The following ARFGAP1 variants were observed in gnomAD, a reference collection of about 807,000 sequenced individuals.
ARFGAP1 encodes the protein ADP-ribosylation factor GTPase-activating protein 1.
A neutral mutation model predicts 54.0 loss-of-function variants in ARFGAP1; 26 were observed. That is an observed-to-expected ratio of 0.48 (90% CI 0.35 to 0.67). ARFGAP1 has a LOEUF of 0.67. Ranked by LOEUF, ARFGAP1 falls within the 30% of genes least tolerant of loss-of-function variation. ARFGAP1 has a pLI of 0.00. For missense variants in ARFGAP1, 525 were observed against 535.8 expected, an observed-to-expected ratio of 0.98 and a Z score of 0.20; for synonymous variants, 248 against 211.9, an observed-to-expected ratio of 1.17 and a Z score of -1.48.
rs574523335 is a variant in ARFGAP1, at chr20:63,284,700, G to T, written c.718-166G>T. The T allele has an allele frequency of 1.4e-5, 21 of 1,456,078 alleles. No homozygotes were observed. In the East Asian group the frequency reaches 4.8e-4, roughly 34 times the overall value. 90.2% of individuals were successfully genotyped at this position (1,456,078 alleles called of 1,614,324 possible). On this transcript the variant is annotated intron_variant, in intron 9 of 12. Coordinates refer to ENST00000370283, the MANE Select transcript of ARFGAP1 (RefSeq NM_018209.4). ...TAGAGGTGGCGGCCTACTGCCCTTC[G>T]GGTGTTGTGTGCAAAGCCCCGTTTC...
intron 9 of ARFGAP1, 54 bp from the exon 10 acceptor site, chr20:63,284,812 C>T (rs2067482103): frequency 1.2e-6 from 2 of 1,606,234 alleles, no homozygotes; most frequent in East Asian, 2.2e-5. Context: ...CCACTGCCGA[C>T]CCGTGTCCCG....
Position 63,276,335 on chromosome 20 carries a change from G to T in ARFGAP1, c.170+135G>T. The T allele has an allele frequency of 7.3e-7, 1 of 1,363,538 alleles. No individual in the cohort carries two copies. Among genetic ancestry groups the T allele is most frequent in the Non-Finnish European group, 1.0e-6 (1 of 980,218 alleles). 84.5% of individuals were successfully genotyped at this position (1,363,538 alleles called of 1,614,324 possible). A position where few individuals can be genotyped will look rare whatever the true frequency, so the allele number is the denominator to read the frequency against. On this transcript the variant is annotated intron_variant, in intron 3 of 12. Coordinates refer to ENST00000370283, the MANE Select transcript of ARFGAP1 (RefSeq NM_018209.4). This position sits in a 1 kb window ranked among gnomAD's most constrained non-coding sequence, Gnocchi z 5.2. ...CATTGCCAGTGTCCACTCTAGTGAC[G>T]CCATGGCACAGAGTTCCAGCTGCTG...
intron 4 of ARFGAP1, 83 bp from the exon 5 acceptor site, chr20:63,277,122 T>G: frequency 8.1e-7 from 1 of 1,236,942 alleles, no homozygotes; most frequent in Non-Finnish European, 1.1e-6. Context: ...AGGCGGGCCG[T>G]GGGGGGTGCG....
Position 63,285,722 on chromosome 20 carries a change from C to A in ARFGAP1, c.834+9C>A, listed in dbSNP as rs370669375. ...CTCAGTTGGCGTCCAAGGTAGGGAG[C>A]CTGCCAGATACGCGGGCACAGTCGA... On this transcript the variant is annotated intron_variant, in intron 11 of 12. Coordinates refer to ENST00000370283, the MANE Select transcript of ARFGAP1 (RefSeq NM_018209.4). 2 of 1,612,906 alleles carry A rather than the reference C, an allele frequency of 1.2e-6. No individual in the cohort carries two copies. Among genetic ancestry groups the A allele is most frequent in the Non-Finnish European group, 1.7e-6 (2 of 1,179,532 alleles).
Position 63,284,259 on chromosome 20 carries a change from A to G in ARFGAP1, c.718-607A>G, listed in dbSNP as rs929812295. ...CCTGCGCTCCCTTGAACGCAGTGCAAAGGGGAGGATCTTTGCTCTGTGACG... is the reference window on the plus strand; with the variant it reads ...CCTGCGCTCCCTTGAACGCAGTGCAGAGGGGAGGATCTTTGCTCTGTGACG... On this transcript the variant is annotated intron_variant, in intron 9 of 12. Transcript: ENST00000370283. 5 of 1,150,916 alleles carry G rather than the reference A, an allele frequency of 4.3e-6. No individual in the cohort carries two copies. In the African/African-American group the frequency reaches 6.4e-5, roughly 15 times the overall value. The allele number at this position is 1,150,916 out of a possible 1,614,324, so 71.3% of individuals were successfully genotyped here. A position where few individuals can be genotyped will look rare whatever the true frequency, so the allele number is the denominator to read the frequency against.
At chr20:63,287,543 C>A (rs1413813928) in intron 12 of ARFGAP1, 21 bp from the exon 13 acceptor site, 1 of 1,556,366 alleles carries the variant, frequency 6.4e-7, no homozygotes, top group Admixed American at 1.9e-5. Context: ...ATTTAGAGTC[C>A]CCCTTCTGTC....
intron 10 of ARFGAP1, among the ~76,000 whole-genome samples, chr20:63,285,260 G>C (rs1204786657): frequency 6.6e-6 from 1 of 152,110 alleles, no homozygotes; most frequent in Non-Finnish European, 1.5e-5. Context: ...AGCTGGCCGC[G>C]GAGCTGTGCC....
At chr20:63,273,167 C>A (rs2067146860) in intron 1 of ARFGAP1, 1 of 152,070 alleles carries the variant, frequency 6.6e-6, no homozygotes, top group Admixed American at 6.5e-5. Flanking sequence ...TGCCGCCCCC[C>A]GCCCCTCGTG....
At chr20:63,278,369 A>G in intron 6 of ARFGAP1, 166 bp downstream of exon 6, 1 of 650,472 alleles carries the variant, frequency 1.5e-6, no homozygotes, top group South Asian at 1.8e-5. Context: ...CCCAGTGTGA[A>G]TTGGGGGTCT....
intron 9 of ARFGAP1, chr20:63,283,834 C>G (rs780000245): frequency 4.3e-6 from 7 of 1,613,720 alleles, no homozygotes; most frequent in Non-Finnish European, 4.2e-6. Context: ...CACCTGTCTT[C>G]TTGCTGTCGG....
In ARFGAP1 at chr20:63,288,060, G is replaced by T; in HGVS notation, c.*187G>T. 1 of 703,542 alleles carries T rather than the reference G, an allele frequency of 1.4e-6. No homozygotes were observed. Among genetic ancestry groups the T allele is most frequent in the Middle Eastern group, 4.1e-4 (1 of 2,448 alleles). The allele number at this position is 703,542 out of a possible 1,614,324, so 43.6% of individuals were successfully genotyped here. Reference sequence around the variant, plus strand: ...TGCGCGTGGGGAGTCTTCGGTGCGTGGGGGCGGCTTGCTGTCCAGCCTGTG... The same window carrying T: ...TGCGCGTGGGGAGTCTTCGGTGCGTTGGGGCGGCTTGCTGTCCAGCCTGTG... On this transcript the variant is annotated 3_prime_UTR_variant, in exon 13 of 13. Coordinates refer to ENST00000370283, the MANE Select transcript of ARFGAP1 (RefSeq NM_018209.4).
chr20:63,276,411 G>A lies in ARFGAP1; in HGVS notation c.171-69G>A, dbSNP rs1036892629. 9 of 1,553,970 alleles carry A rather than the reference G, an allele frequency of 5.8e-6. No individual in the cohort carries two copies. Among genetic ancestry groups the A allele is most frequent in the African/African-American group, 5.4e-5 (4 of 73,570 alleles). ...GCTTGCTGTGTCTAATTCTCAGGAC[G>A]ATGCTGGGTGGAGGGTGTCCCTGGG... is the stretch of plus-strand genomic sequence containing the variant. On this transcript the variant is annotated intron_variant, in intron 3 of 12. Coordinates refer to ENST00000370283, the MANE Select transcript of ARFGAP1 (RefSeq NM_018209.4). The surrounding 1 kb of genome is among the most constrained non-coding windows in gnomAD (Gnocchi z 5.2).
At chr20:63,281,763 G>A (rs2067386984) in intron 8 of ARFGAP1, among the ~76,000 whole-genome samples, 1 of 152,206 alleles carries the variant, frequency 6.6e-6, no homozygotes, top group South Asian at 2.1e-4. Context: ...CCTGAAATGA[G>A]GGGAGGATTT....
Position 63,276,110 on chromosome 20 carries a change from C to G in ARFGAP1, c.80C>G (p.Ala27Gly). 1 of 1,614,022 alleles carries G rather than the reference C, an allele frequency of 6.2e-7. No individual in the cohort carries two copies. Among genetic ancestry groups the G allele is most frequent in the South Asian group, 1.1e-5 (1 of 91,080 alleles). The change falls in exon 3 of 13, where the codon GCG becomes GGG. Residue 27 changes from alanine (A) to glycine (G), a missense_variant. By Grantham distance (60) the Ala-to-Gly change is moderately conservative. Coordinates refer to ENST00000370283, the MANE Select transcript of ARFGAP1 (RefSeq NM_018209.4). This position sits in a 1 kb window ranked among gnomAD's most constrained non-coding sequence, Gnocchi z 5.2. ...TTGCAGGTTTGTTTTGAGTGTGGCG[C>G]GTTCAATCCTCAGTGGGTCAGTGTG... The part of the protein sequence containing the change: ...DENNVCFECG[A>G]FNPQWVSVTY...
At chr20:63,278,535 T>C (rs2067292868) in intron 6 of ARFGAP1, 3 of 457,612 alleles carry the variant, frequency 6.6e-6, no homozygotes, top group African/African-American at 5.9e-5. Context: ...GTCTTGGGTG[T>C]AGAGAAGCGC....
At chr20:63,278,420 T>C (rs960503955) in intron 6 of ARFGAP1, 13 of 508,200 alleles carry the variant, frequency 2.6e-5, no homozygotes, top group Admixed American at 7.1e-5. Flanking sequence ...CAGGTGTGAA[T>C]TGGGGGGTCT....
intron 12 of ARFGAP1, chr20:63,286,821 T>C: frequency 4.2e-6 from 1 of 236,732 alleles, no homozygotes; most frequent in Non-Finnish European, 8.4e-6. Context: ...GCTCTGCTGT[T>C]CCTCTGTCTC....
intron 1 of ARFGAP1, chr20:63,273,404 C>T (rs779687661): frequency 6.6e-6 from 1 of 152,222 alleles, no homozygotes; most frequent in Non-Finnish European, 1.5e-5. Flanking sequence ...CTTCCACCCC[C>T]TAAGAAGTGA....
In ARFGAP1 at chr20:63,276,316, CAGTGTCCACTCT is replaced by C; in HGVS notation, c.170+121_170+132del. 3 of 1,384,664 alleles carry C rather than the reference CAGTGTCCACTCT, an allele frequency of 2.2e-6. No homozygotes were observed. The highest frequency in any genetic ancestry group is 3.0e-6 in the Non-Finnish European group (3 of 991,644). 85.8% of individuals were successfully genotyped at this position (1,384,664 alleles called of 1,614,324 possible). A position where few individuals can be genotyped will look rare whatever the true frequency, so the allele number is the denominator to read the frequency against. On this transcript the variant is annotated intron_variant, in intron 3 of 12. Transcript: ENST00000370283. This position sits in a 1 kb window ranked among gnomAD's most constrained non-coding sequence, Gnocchi z 5.2. ...TGGGGGCCACCTCCCATTGCATTGC[CAGTGTCCACTCT>C]AGTGACGCCATGGCACAGAGTTCCA...
Sources: gnomAD v4.1 joint callset for allele counts (sites outside exome capture counted in the v4.1 genomes callset) on GRCh38, gnomAD v4.1.1 for gene constraint, Gnocchi (gnomAD v3.1) non-coding constraint, MANE v1.5 for transcripts, NCBI Gene and HGNC (gene_info 2026-07-23, HGNC 2026-07-21) for gene names.